The following SLC4A4 variants were observed in gnomAD, a reference collection of about 807,000 sequenced individuals.
SLC4A4 encodes the protein electrogenic sodium bicarbonate cotransporter 1.
A neutral mutation model predicts 111.5 loss-of-function variants in SLC4A4; 27 were observed. The ratio of observed to expected loss-of-function variants is 0.24; its 90% CI spans 0.18 to 0.33. The LOEUF is 0.33. Ranked by LOEUF, SLC4A4 falls within the 10% of genes least tolerant of loss-of-function variation. The pLI is 1.00. For missense variants in SLC4A4, 909 were observed against 1,315.5 expected (o/e 0.69, Z 4.78); for synonymous variants, 443 against 463.4 (o/e 0.96, Z 0.57).
intron 1 of SLC4A4, among the ~76,000 whole-genome samples, chr4:71,084,975 G>A (rs1012593907): frequency 6.6e-6 from 1 of 152,012 alleles, no homozygotes. Flanking sequence ...CTGAGGAATC[G>A]CCACACTAAC....
chr4:71,398,822 C>A (rs950591541), intron 7 of SLC4A4, among the ~76,000 whole-genome samples: 18 of 152,118 alleles, frequency 1.2e-4, no homozygotes, highest in East Asian at 1.9e-4. Context: ...AATATCTGAT[C>A]CTTGCTCTTT....
At chr4:71,376,686 G>A (rs1396625034) in intron 6 of SLC4A4, among the ~76,000 whole-genome samples, 2 of 151,444 alleles carry the variant, frequency 1.3e-5, no homozygotes, top group African/African-American at 4.9e-5. Context: ...CACCCAGGCT[G>A]GAGTGCAGTG....
At chr4:71,355,265 GT>G (rs1730183438) in intron 5 of SLC4A4, among the ~76,000 whole-genome samples, 1 of 152,174 alleles carries the variant, frequency 6.6e-6, no homozygotes, top group African/African-American at 2.4e-5. Flanking sequence ...TAGAGTAGGA[GT>G]TTGATAACAC....
At position 71,339,517 on chromosome 4, in the gene SLC4A4, C is replaced by A; in HGVS notation, c.389+12C>A. 6.2e-7 allele frequency: 1 copy of A among 1,612,052 alleles called. No individual in the cohort carries two copies. Among genetic ancestry groups the A allele is most frequent in the African/African-American group, 1.3e-5 (1 of 74,950 alleles). ...AAGGAAACAGCCAGGTGAGGCATAG[C>A]TGACTGTATGTAGTACTGACCCAGG... On this transcript the variant is annotated intron_variant, in intron 4 of 25. Transcript: ENST00000264485.
At chr4:71,339,122 G>T (rs1728676522) in intron 3 of SLC4A4, 3 of 1,609,632 alleles carry the variant, frequency 1.9e-6, no homozygotes, top group Admixed American at 1.7e-5. Context: ...ACATCACACA[G>T]AATTGGAGTG....
intron 3 of SLC4A4, among the ~76,000 whole-genome samples, chr4:71,315,353 G>C (rs1250773606): frequency 2.0e-5 from 3 of 152,018 alleles, no homozygotes; most frequent in Admixed American, 6.6e-5. Flanking sequence ...GGCTTGAGTT[G>C]GATTCTCTAG....
intron 4 of SLC4A4, among the ~76,000 whole-genome samples, chr4:71,341,896 T>A (rs376126755): frequency 5.7e-4 from 86 of 152,108 alleles, no homozygotes; most frequent in Non-Finnish European, 1.1e-3. Context: ...CTTTCATAAC[T>A]TAAACAATGC....
At chr4:71,310,734 A>C (rs1456691159) in intron 3 of SLC4A4, among the ~76,000 whole-genome samples, 1 of 152,228 alleles carries the variant, frequency 6.6e-6, no homozygotes, top group Non-Finnish European at 1.5e-5. Flanking sequence ...AAACACACCA[A>C]AATATAGAGA....
intron 12 of SLC4A4, among the ~76,000 whole-genome samples, chr4:71,463,064 T>G (rs892575889): frequency 6.6e-6 from 1 of 152,180 alleles, no homozygotes; most frequent in Non-Finnish European, 1.5e-5. Flanking sequence ...GACTGCCAGT[T>G]GTTTGCTCTT....
At chr4:71,447,802 T>C in intron 9 of SLC4A4, 69 bp downstream of exon 9, 1 of 975,204 alleles carries the variant, frequency 1.0e-6, no homozygotes, top group Admixed American at 1.8e-5. Context: ...GAATTGGCTG[T>C]CACAATTTAT....
At chr4:71,111,282 T>C (rs1743077383) in intron 2 of SLC4A4, among the ~76,000 whole-genome samples, 1 of 152,150 alleles carries the variant, frequency 6.6e-6, no homozygotes, top group Non-Finnish European at 1.5e-5. Context: ...ATTTCCTGCT[T>C]TTCTTTTTAA....
chr4:71,376,180 CACACACACACACAT>C (rs1161164967), intron 6 of SLC4A4, among the ~76,000 whole-genome samples: 29 of 150,342 alleles, frequency 1.9e-4, no homozygotes, highest in African/African-American at 6.3e-4. Context: ...CACACACACA[CACACACACACACAT>C]ATATATGTGT....
At chr4:71,309,705 T>C (rs1331117159) in intron 3 of SLC4A4, among the ~76,000 whole-genome samples, 1 of 152,090 alleles carries the variant, frequency 6.6e-6, no homozygotes, top group Non-Finnish European at 1.5e-5. Flanking sequence ...CAAAGGCAGA[T>C]AAATCCATGA....
At chr4:71,410,836 TTGG>T (rs1379649807) in intron 7 of SLC4A4, among the ~76,000 whole-genome samples, 10 of 152,202 alleles carry the variant, frequency 6.6e-5, no homozygotes, top group Non-Finnish European at 1.3e-4. Context: ...AAATTTTATA[TTGG>T]TGGTATTCTC....
chr4:71,288,079 T>C (rs1389487175), intron 3 of SLC4A4, among the ~76,000 whole-genome samples: 1 of 152,212 alleles, frequency 6.6e-6, no homozygotes, highest in African/African-American at 2.4e-5. Flanking sequence ...ATTTATCAGC[T>C]GTCCATATTC....
intron 2 of SLC4A4, among the ~76,000 whole-genome samples, chr4:71,103,845 C>T (rs1321817960): frequency 6.7e-6 from 1 of 148,204 alleles, no homozygotes; most frequent in Non-Finnish European, 1.5e-5. Context: ...GACACCCTAA[C>T]ATCACAATTA....
chr4:71,383,068 T>C (rs889985406), intron 6 of SLC4A4, among the ~76,000 whole-genome samples: 1 of 152,226 alleles, frequency 6.6e-6, no homozygotes, highest in African/African-American at 2.4e-5. Flanking sequence ...CAGCTTTTTT[T>C]GCATGGTGAT....
chr4:71,293,021 T>G (rs1444912727), intron 3 of SLC4A4, among the ~76,000 whole-genome samples: 1 of 150,374 alleles, frequency 6.7e-6, no homozygotes, highest in Non-Finnish European at 1.5e-5. Flanking sequence ...TTTTGTATTT[T>G]TAGTAGAGAT....
chr4:71,261,670 A>G (rs1252963157), intron 3 of SLC4A4, among the ~76,000 whole-genome samples: 3 of 152,202 alleles, frequency 2.0e-5, no homozygotes, highest in African/African-American at 7.2e-5. Flanking sequence ...TGAGTTTCTG[A>G]AATGCAGCTC....
Sources: gnomAD v4.1 joint callset for allele counts (sites outside exome capture counted in the v4.1 genomes callset) on GRCh38, gnomAD v4.1.1 for gene constraint, MANE v1.5 for transcripts, NCBI Gene and HGNC (gene_info 2026-07-23, HGNC 2026-07-21) for gene names.